AGAP1: variants seen among roughly 807,000 people sequenced by gnomAD.
AGAP1 encodes arf-GAP with GTPase, ANK repeat and PH domain-containing protein 1.
AGAP1 carries 29 observed loss-of-function variants against 105.3 expected under a neutral mutation model. The observed-to-expected ratio is 0.28, with a 90% confidence interval of 0.21 to 0.38. The LOEUF (loss-of-function observed/expected upper bound fraction) is 0.38, where lower values mean the gene tolerates loss of function less well. Among genes scored for constraint, AGAP1 ranks in the 10% least tolerant of loss-of-function variants. The probability of loss-of-function intolerance (pLI) is 1.00; values close to 1 mark genes in which losing one functional copy is unlikely to be tolerated. For missense variants in AGAP1, 998 were observed against 1,165.1 expected, an observed-to-expected ratio of 0.86 and a Z score of 2.09; for synonymous variants, 509 against 485.9, an observed-to-expected ratio of 1.05 and a Z score of -0.63.
rs1291623577 is a variant in AGAP1, at chr2:236,042,764, A to G, written c.1891+1923A>G. On this transcript the variant is annotated intron_variant, in intron 15 of 17. Coordinates refer to ENST00000304032, the MANE Select transcript of AGAP1 (RefSeq NM_001037131.3). This position sits in a 1 kb window ranked among gnomAD's most constrained non-coding sequence, Gnocchi z 5.6. ...GGGAGGTGTGGGCCAGTTTGTTCTG[A>G]GCAAGACCACCTGAGCAGATGGACA... 2.0e-5 allele frequency among the ~76,000 whole-genome samples: 3 copies of G among 152,150 alleles called. No individual in the cohort carries two copies. Among genetic ancestry groups the G allele is most frequent in the Admixed American group, 6.5e-5 (1 of 15,278 alleles).
At chr2:235,892,713 A>G (rs2050603133) in intron 10 of AGAP1, among the ~76,000 whole-genome samples, 1 of 152,240 alleles carries the variant, frequency 6.6e-6, no homozygotes, top group African/African-American at 2.4e-5. Flanking sequence ...AGATTCACGA[A>G]GAATCTGTGA....
rs754704050 is a variant in AGAP1 at position 235,734,394 on chromosome 2, C to T, written c.311-6569C>T. Among the ~76,000 whole-genome samples the T allele has an allele frequency of 2.0e-5, 3 of 152,080 alleles. No individual in the cohort carries two copies. Among genetic ancestry groups the T allele is most frequent in the Non-Finnish European group, 4.4e-5 (3 of 68,024 alleles). On this transcript the variant is annotated intron_variant, in intron 3 of 17. Transcript: ENST00000304032. The surrounding 1 kb of genome is among the most constrained non-coding windows in gnomAD (Gnocchi z 5.3). Reference sequence around the variant, plus strand: ...GCCAGCTTGCATCTGCTGAAAGAACCGGGGTGGCCCCACTGCATCTTGATC... The same window carrying T: ...GCCAGCTTGCATCTGCTGAAAGAACTGGGGTGGCCCCACTGCATCTTGATC...
chr2:235,681,346 C>A (rs532248906), intron 1 of AGAP1, among the ~76,000 whole-genome samples: 3 of 152,094 alleles, frequency 2.0e-5, no homozygotes, highest in Non-Finnish European at 2.9e-5. Context: ...ACCCTTCTTA[C>A]GCGCCTCCCG....
intron 6 of AGAP1, among the ~76,000 whole-genome samples, chr2:235,759,546 G>C (rs1053943797): frequency 2.0e-5 from 3 of 152,216 alleles, no homozygotes; most frequent in Non-Finnish European, 4.4e-5. Context: ...CATCTGACCT[G>C]CCTAGTAGCT....
Position 235,596,486 on chromosome 2 carries a change from C to G in AGAP1, c.163+101637C>G, listed in dbSNP as rs142088511. Among the ~76,000 whole-genome samples, 1 of 152,108 alleles carries G rather than the reference C, an allele frequency of 6.6e-6. No individual in the cohort carries two copies. The highest frequency in any genetic ancestry group is 1.5e-5 in the Non-Finnish European group (1 of 68,032). ...TTTGGATTCAGCAAGGCAAGGTGGA[C>G]CTGAGAGTCTGTGTTTCTGGTGAGC... On this transcript the variant is annotated intron_variant, in intron 1 of 17. Transcript: ENST00000304032. This position sits in a 1 kb window ranked among gnomAD's most constrained non-coding sequence, Gnocchi z 5.9.
At chr2:235,627,161 T>G (rs538412656) in intron 1 of AGAP1, among the ~76,000 whole-genome samples, 2 of 151,956 alleles carry the variant, frequency 1.3e-5, no homozygotes, top group Admixed American at 6.6e-5. Context: ...TGTCCCCTGC[T>G]TTTCCTGTGC....
chr2:235,911,029 A>G (rs2051586371), intron 11 of AGAP1, among the ~76,000 whole-genome samples: 1 of 152,120 alleles, frequency 6.6e-6, no homozygotes, highest in African/African-American at 2.4e-5. Flanking sequence ...TGACCATCAC[A>G]TCTAGTCATC....
At position 236,036,143 on chromosome 2, in the gene AGAP1, CTG is replaced by C. The variant is rs2057373079; in HGVS notation, c.1646-415_1646-414del. Among the ~76,000 whole-genome samples the C allele has an allele frequency of 1.3e-5, 2 of 152,138 alleles. No homozygotes were observed. The highest frequency in any genetic ancestry group is 6.5e-5 in the Admixed American group (1 of 15,282). Reference sequence around the variant, plus strand: ...CCGCGTTCCTCTATCCATGGAGTGTCTGTGGATCTACGCGAGTGCTTAGATAG... The same window carrying C: ...CCGCGTTCCTCTATCCATGGAGTGTCTGGATCTACGCGAGTGCTTAGATAG... On this transcript the variant is annotated intron_variant, in intron 13 of 17. Transcript: ENST00000304032. This position sits in a 1 kb window ranked among gnomAD's most constrained non-coding sequence, Gnocchi z 5.7.
rs371412434 is a variant in AGAP1, at chr2:235,499,244, GC to G, written c.163+4397del. Reference sequence around the variant, plus strand: ...TGCAAAGCATCCCAAGCTTGTTTCCGCCACCCAAGGCAAGAGGGTTTGAGAA... The same window carrying G: ...TGCAAAGCATCCCAAGCTTGTTTCCGCACCCAAGGCAAGAGGGTTTGAGAA... On this transcript the variant is annotated intron_variant, in intron 1 of 17. Transcript: ENST00000304032. Among the ~76,000 whole-genome samples, 218 of 152,240 alleles carry G rather than the reference GC, an allele frequency of 1.4e-3. 2 individuals are homozygous for G. Among genetic ancestry groups the G allele is most frequent in the African/African-American group, 5.0e-3 (206 of 41,552 alleles).
At chr2:235,506,986 T>C (rs1336876797) in intron 1 of AGAP1, 1 of 153,056 alleles carries the variant, frequency 6.5e-6, no homozygotes, top group Admixed American at 6.5e-5. Flanking sequence ...AGTGGCCGCT[T>C]GCTGAGTCTT....
rs1320689922 is a variant in AGAP1 at position 235,973,429 on chromosome 2, G to T, written c.1645+4806G>T. The stretch of plus-strand genomic sequence containing the variant: ...TGTGGATGACAGAGCCCGTCGCTAG[G>T]CTCTTATGTCACAGATGGGCTGCTG... On this transcript the variant is annotated intron_variant, in intron 13 of 17. Transcript: ENST00000304032. This position sits in a 1 kb window ranked among gnomAD's most constrained non-coding sequence, Gnocchi z 4.7. Among the ~76,000 whole-genome samples the T allele has an allele frequency of 6.6e-6, 1 of 152,206 alleles. No individual in the cohort carries two copies. Among genetic ancestry groups the T allele is most frequent in the African/African-American group, 2.4e-5 (1 of 41,442 alleles).
At chr2:235,717,164 C>T (rs910849111) in intron 2 of AGAP1, among the ~76,000 whole-genome samples, 2 of 152,210 alleles carry the variant, frequency 1.3e-5, no homozygotes, top group African/African-American at 4.8e-5. Context: ...ACTCTCCCCA[C>T]GTCACTCACC....
intron 16 of AGAP1, among the ~76,000 whole-genome samples, chr2:236,069,159 G>A (rs1422438056): frequency 6.6e-6 from 1 of 151,234 alleles, no homozygotes; most frequent in Non-Finnish European, 1.5e-5. Context: ...TTTAAATAAA[G>A]CAAAAATTCA....
At position 235,876,673 on chromosome 2, in the gene AGAP1, G is replaced by T. The variant is rs1486203186; in HGVS notation, c.1051-6672G>T. ...GCCACGACAACTAAAGCCTGACTTT[G>T]TGCTGGCCCCGCCCCACCTCACCCA... is the stretch of plus-strand genomic sequence containing the variant. On this transcript the variant is annotated intron_variant, in intron 9 of 17. Transcript: ENST00000304032. Among the ~76,000 whole-genome samples the T allele has an allele frequency of 2.0e-5, 3 of 152,288 alleles. No homozygotes were observed. The East Asian group carries it at 5.8e-4, about 29-fold the overall frequency.
At chr2:235,645,354 A>C (rs1947338425) in intron 1 of AGAP1, among the ~76,000 whole-genome samples, 1 of 152,220 alleles carries the variant, frequency 6.6e-6, no homozygotes, top group African/African-American at 2.4e-5. Flanking sequence ...TAGCCCATTT[A>C]AAGGAAGCTA....
chr2:235,545,543 C>T (rs1190266658), intron 1 of AGAP1, among the ~76,000 whole-genome samples: 4 of 152,300 alleles, frequency 2.6e-5, no homozygotes, highest in South Asian at 4.1e-4. Context: ...AGTTTTACTC[C>T]GACTCCGTTG....
chr2:235,791,059 A>G (rs560502763), intron 6 of AGAP1, among the ~76,000 whole-genome samples: 1 of 152,380 alleles, frequency 6.6e-6, no homozygotes, highest in East Asian at 1.9e-4. Context: ...GCTTTTCTTT[A>G]TCGCTGAAAA....
At chr2:235,562,493 C>G (rs1374074504) in intron 1 of AGAP1, among the ~76,000 whole-genome samples, 2 of 152,136 alleles carry the variant, frequency 1.3e-5, no homozygotes, top group Non-Finnish European at 2.9e-5. Context: ...TCCCTTCCTG[C>G]AGTCAACTCG....
At chr2:235,576,614 G>T (rs781636996) in intron 1 of AGAP1, among the ~76,000 whole-genome samples, 1 of 152,212 alleles carries the variant, frequency 6.6e-6, no homozygotes, top group Non-Finnish European at 1.5e-5. Context: ...CCTAAAGGCT[G>T]CTAGAACCTC....
Sources: allele counts gnomAD v4.1 joint callset (sites outside exome capture counted in the v4.1 genomes callset), GRCh38; gene constraint gnomAD v4.1.1; non-coding constraint Gnocchi (gnomAD v3.1); transcripts MANE v1.5; gene names NCBI Gene and HGNC (gene_info 2026-07-23, HGNC 2026-07-21).